The following CADM2 variants were observed in gnomAD, a reference collection of about 807,000 sequenced individuals.
The protein encoded by CADM2 is immunoglobulin superfamily member 4D.
Under a neutral mutation model 49.8 loss-of-function variants are expected in CADM2, and 12 were observed. The observed-to-expected ratio is 0.24, with a 90% CI of 0.15 to 0.39. The LOEUF (loss-of-function observed/expected upper bound fraction) is 0.39. Among genes scored for constraint, CADM2 ranks in the 10% least tolerant of loss-of-function variants. The pLI is 1.00. For missense variants in CADM2, 378 were observed against 492.3 expected, an observed-to-expected ratio of 0.77 and a Z score of 2.20; for synonymous variants, 214 against 175.4, an observed-to-expected ratio of 1.22 and a Z score of -1.74.
At chr3:85,974,241 A>G (rs563370814) in intron 8 of CADM2, among the ~76,000 whole-genome samples, 1 of 151,664 alleles carries the variant, frequency 6.6e-6, no homozygotes, top group East Asian at 2.0e-4. Flanking sequence ...GATTTAAAGG[A>G]TGGACATGAA....
At chr3:85,487,639 A>AGAG (rs112613086) in intron 1 of CADM2, among the ~76,000 whole-genome samples, 6 of 148,576 alleles carry the variant, frequency 4.0e-5, no homozygotes, top group African/African-American at 1.2e-4. Flanking sequence ...AGGAGGACGA[A>AGAG]GAGGAGGAGG....
intron 3 of CADM2, among the ~76,000 whole-genome samples, chr3:85,859,109 G>A (rs1055019709): frequency 4.0e-5 from 6 of 150,510 alleles, no homozygotes; most frequent in South Asian, 2.1e-4. Context: ...AGTAATAAAC[G>A]TTATTCACAA....
intron 1 of CADM2, among the ~76,000 whole-genome samples, chr3:85,577,778 CAAGTA>C (rs1220559612): frequency 2.0e-5 from 3 of 151,808 alleles, no homozygotes; most frequent in Non-Finnish European, 4.4e-5. Context: ...TATTTTTTAA[CAAGTA>C]AAGTTTTTAA....
At chr3:85,520,120 GATT>G (rs2060997361) in intron 1 of CADM2, among the ~76,000 whole-genome samples, 2 of 151,886 alleles carry the variant, frequency 1.3e-5, no homozygotes, top group Non-Finnish European at 2.9e-5. Flanking sequence ...TATTGTTTAT[GATT>G]GATTAAAGGA....
At chr3:85,740,141 C>T (rs1010422442) in intron 2 of CADM2, among the ~76,000 whole-genome samples, 2 of 152,128 alleles carry the variant, frequency 1.3e-5, no homozygotes, top group African/African-American at 4.8e-5. Context: ...ATCCAGTTGG[C>T]ATGCATGATC....
intron 6 of CADM2, among the ~76,000 whole-genome samples, chr3:85,929,187 C>G (rs564350625): frequency 4.6e-4 from 70 of 152,158 alleles, no homozygotes; most frequent in African/African-American, 1.6e-3. Flanking sequence ...AAGAGTCATT[C>G]TGTCTTGTGA....
chr3:85,086,935 G>A (rs1239316737), intron 1 of CADM2, among the ~76,000 whole-genome samples: 1 of 152,156 alleles, frequency 6.6e-6, no homozygotes, highest in Non-Finnish European at 1.5e-5. Context: ...TGAGGACATT[G>A]TAAATGTTTG....
intron 1 of CADM2, among the ~76,000 whole-genome samples, chr3:85,223,572 G>T (rs1379647261): frequency 6.6e-6 from 1 of 151,978 alleles, no homozygotes; most frequent in African/African-American, 2.4e-5. Flanking sequence ...GAGAGGTAAA[G>T]GAAGACAAAT....
At chr3:85,808,432 G>A (rs2072592909) in intron 3 of CADM2, among the ~76,000 whole-genome samples, 1 of 152,030 alleles carries the variant, frequency 6.6e-6, no homozygotes, top group Non-Finnish European at 1.5e-5. Context: ...AATGCTGTGT[G>A]GTATTGGCAA....
intron 6 of CADM2, among the ~76,000 whole-genome samples, chr3:85,923,799 T>G (rs1719471014): frequency 6.6e-6 from 1 of 152,202 alleles, no homozygotes; most frequent in Admixed American, 6.5e-5. Context: ...CTCCCTGTGG[T>G]TATCGGCAAT....
At chr3:85,693,864 C>G (rs896001608) in intron 1 of CADM2, among the ~76,000 whole-genome samples, 12 of 147,262 alleles carry the variant, frequency 8.1e-5, no homozygotes, top group Middle Eastern at 3.5e-3. Flanking sequence ...CCACTGTACT[C>G]CAGCCTGGGC....
intron 1 of CADM2, among the ~76,000 whole-genome samples, chr3:85,028,168 G>A (rs563655463): frequency 1.3e-5 from 2 of 152,250 alleles, no homozygotes; most frequent in South Asian, 4.2e-4. Flanking sequence ...TTTTACAGAT[G>A]AGGAACCCTA....
intron 8 of CADM2, among the ~76,000 whole-genome samples, chr3:86,056,978 A>G (rs548349938): frequency 1.3e-5 from 2 of 152,344 alleles, no homozygotes; most frequent in African/African-American, 4.8e-5. Flanking sequence ...TGTATGATGT[A>G]GCCTTAATTT....
At chr3:85,441,616 C>T (rs1246007295) in intron 1 of CADM2, among the ~76,000 whole-genome samples, 2 of 151,890 alleles carry the variant, frequency 1.3e-5, no homozygotes, top group African/African-American at 2.4e-5. Context: ...ATCCCAAATC[C>T]CCCAAATATG....
intron 1 of CADM2, among the ~76,000 whole-genome samples, chr3:85,707,009 C>G (rs1355120291): frequency 6.6e-6 from 1 of 152,022 alleles, no homozygotes; most frequent in East Asian, 1.9e-4. Context: ...CTCTGTCACC[C>G]AGGCTGGAGT....
At chr3:85,262,141 A>G (rs2043025451) in intron 1 of CADM2, among the ~76,000 whole-genome samples, 1 of 152,132 alleles carries the variant, frequency 6.6e-6, no homozygotes, top group Admixed American at 6.6e-5. Context: ...TTGCTTTTAG[A>G]ACTATGATAT....
At chr3:85,298,299 A>G (rs1470677123) in intron 1 of CADM2, among the ~76,000 whole-genome samples, 2 of 152,052 alleles carry the variant, frequency 1.3e-5, no homozygotes, top group African/African-American at 4.8e-5. Flanking sequence ...AAAGGATGGA[A>G]CCAGATTTGC....
rs116648398 is a variant in CADM2 at position 85,534,731 on chromosome 3, C to T, written c.62-191791C>T. On this transcript the variant is annotated intron_variant, in intron 1 of 9. Coordinates refer to ENST00000383699, the MANE Select transcript of CADM2 (RefSeq NM_001167675.2). ...GGCTATTAAGGTGAATAGCTCTTGA[C>T]CTTTGTTTCCCATTCTTTTAATTTT... Among the ~76,000 whole-genome samples, 1,356 of 152,210 alleles carry T rather than the reference C, an allele frequency of 8.9e-3. 20 individuals are homozygous for T. Among genetic ancestry groups the T allele is most frequent in the African/African-American group, 0.03 (1,228 of 41,544 alleles).
chr3:86,017,709 C>A (rs1213666222), intron 8 of CADM2, among the ~76,000 whole-genome samples: 4 of 148,078 alleles, frequency 2.7e-5, no homozygotes, highest in South Asian at 2.1e-4. Flanking sequence ...GCTTGGGCGA[C>A]ACCAGGAGAC....
Sources: allele counts gnomAD v4.1 joint callset (sites outside exome capture counted in the v4.1 genomes callset), GRCh38; gene constraint gnomAD v4.1.1; transcripts MANE v1.5; gene names NCBI Gene and HGNC (gene_info 2026-07-23, HGNC 2026-07-21).